Variants in ITK observed in about 807,000 individuals in gnomAD.
The protein encoded by ITK is tyrosine-protein kinase ITK/TSK.
A neutral mutation model predicts 87.6 loss-of-function variants in ITK; 45 were observed. The observed-to-expected ratio is 0.51, with a 90% CI of 0.40 to 0.66. The LOEUF is 0.66. Ranked by LOEUF, ITK falls within the 30% of genes least tolerant of loss-of-function variation. The probability of loss-of-function intolerance (pLI) is 0.00; values close to 1 mark genes in which losing one functional copy is unlikely to be tolerated. For missense variants in ITK, 605 were observed against 766.3 expected (o/e 0.79, Z 2.48); for synonymous variants, 303 against 273.6 (o/e 1.11, Z -1.06).
At chr5:157,209,163 T>C (rs1023634979) in intron 2 of ITK, among the ~76,000 whole-genome samples, 170 bp downstream of exon 2, 2 of 152,048 alleles carry the variant, frequency 1.3e-5, no homozygotes, top group Non-Finnish European at 2.9e-5. Context: ...AAACCCCATC[T>C]CTACTAAAAA....
intron 8 of ITK, among the ~76,000 whole-genome samples, chr5:157,237,325 A>C (rs1041023898): frequency 6.6e-6 from 1 of 152,226 alleles, no homozygotes; most frequent in Non-Finnish European, 1.5e-5. Context: ...CTCACTTATA[A>C]GTGAGAGCTA....
At chr5:157,244,863 C>A (rs13190673) in intron 13 of ITK, 44,002 of 284,630 alleles carry the variant, frequency 0.15, 3,997 homozygotes, top group Admixed American at 0.22. Flanking sequence ...CTCTCAGAAT[C>A]TCTGGTGGCT....
chr5:157,232,385 T>G lies in ITK; in HGVS notation c.759T>G (p.Leu253=), dbSNP rs1580900008. ...SISRDKAEKL[L]LDTGKEGAFM... is the part of the protein sequence containing the mutation. ...GCCGAGACAAAGCTGAAAAACTTCT[T>G]TTGGACACAGTAAGTCTCCTTAACC... The change falls in exon 8 of 17, where the codon CTT becomes CTG. Residue 253 remains leucine, a synonymous_variant. Transcript: ENST00000422843. 1.9e-6 allele frequency: 3 copies of G among 1,607,292 alleles called. No homozygotes were observed. Among genetic ancestry groups the G allele is most frequent in the Admixed American group, 3.3e-5 (2 of 59,962 alleles).
Position 157,248,926 on chromosome 5 carries a change from C to T in ITK, c.1710C>T (p.Asp570=), listed in dbSNP as rs774326746. Residue 570 remains aspartate, a synonymous_variant, in exon 16 of 17, where the codon GAC becomes GAT. Transcript: ENST00000422843. ...GAAGCAACTCAGAGGTGGTGGAAGA[C>T]ATCAGTACCGGATTTCGGTTGTACA... ...ENRSNSEVVE[D]ISTGFRLYKP... 1.9e-5 allele frequency: 30 copies of T among 1,613,906 alleles called. No homozygotes were observed. In the Admixed American group the frequency reaches 4.8e-4, roughly 26 times the overall value.
chr5:157,204,677 C>T (rs953901883), intron 1 of ITK, among the ~76,000 whole-genome samples: 14 of 151,218 alleles, frequency 9.3e-5, no homozygotes, highest in South Asian at 6.3e-4. Context: ...CCAGCCTGGG[C>T]GACAGAGCAA....
chr5:157,205,359 A>T (rs925432691), intron 1 of ITK, among the ~76,000 whole-genome samples: 1 of 152,248 alleles, frequency 6.6e-6, no homozygotes, highest in Non-Finnish European at 1.5e-5. Flanking sequence ...CCTTAAAAAA[A>T]TAAGGTAGAA....
intron 1 of ITK, among the ~76,000 whole-genome samples, chr5:157,190,785 A>G (rs932457655): frequency 1.3e-5 from 2 of 152,232 alleles, no homozygotes; most frequent in Non-Finnish European, 2.9e-5. Context: ...ACCCTGAGGA[A>G]GGAAAAAGCT....
At chr5:157,220,740 A>T in intron 5 of ITK, among the ~76,000 whole-genome samples, 1 of 152,118 alleles carries the variant, frequency 6.6e-6, no homozygotes, top group African/African-American at 2.4e-5. Context: ...ACCTTATCAA[A>T]CTCAATCCTG....
chr5:157,253,617 GC>G lies in ITK; in HGVS notation c.*946del, dbSNP rs1008301383. The G allele has an allele frequency of 3.1e-5, 7 of 228,442 alleles. No homozygotes were observed. In the South Asian group the frequency reaches 7.3e-4, roughly 24 times the overall value. 14.2% of individuals were successfully genotyped at this position (228,442 alleles called of 1,614,324 possible). ...CCTTTTTTCCAGCCTCTGGGAATCA[GC>G]CCCCCCTCTCTGCACTATCCGATCC... On this transcript the variant is annotated 3_prime_UTR_variant, in exon 17 of 17. Transcript: ENST00000422843.
chr5:157,235,820 A>T (rs958541826), intron 8 of ITK, among the ~76,000 whole-genome samples: 10 of 152,210 alleles, frequency 6.6e-5, no homozygotes, highest in African/African-American at 2.2e-4. Context: ...TCACCTTCAA[A>T]TTATATGAAC....
rs80214621 is a variant in ITK, at chr5:157,232,090, G to T, written c.714-250G>T. 5.4e-3 allele frequency among the ~76,000 whole-genome samples: 818 copies of T among 152,244 alleles called. 10 individuals are homozygous for T. The highest frequency in any genetic ancestry group is 0.018 in the African/African-American group (767 of 41,540). ...CAATGATCAGTATTTTGCCAATTCT[G>T]TTTCATATGTTTCTTTCCAATTAAA... On this transcript the variant is annotated intron_variant, in intron 7 of 16. Coordinates refer to ENST00000422843, the MANE Select transcript of ITK (RefSeq NM_005546.4).
At chr5:157,227,644 A>G (rs1388357650) in intron 6 of ITK, among the ~76,000 whole-genome samples, 4 of 152,160 alleles carry the variant, frequency 2.6e-5, no homozygotes, top group African/African-American at 9.7e-5. Flanking sequence ...GTTTCCTTAT[A>G]GAAAATAGAC....
chr5:157,195,875 T>C (rs1302898411), intron 1 of ITK: 1 of 152,234 alleles, frequency 6.6e-6, no homozygotes, highest in African/African-American at 2.4e-5. Flanking sequence ...GGTTGGTCTG[T>C]TTCCAGTTTT....
At chr5:157,239,913 C>A in intron 9 of ITK, 149 bp from the exon 10 acceptor site, 1 of 800,430 alleles carries the variant, frequency 1.2e-6, no homozygotes. Flanking sequence ...CAGGCCCAAT[C>A]TGTCAAGACA....
chr5:157,248,287 A>G (rs1755061409), intron 15 of ITK, among the ~76,000 whole-genome samples: 2 of 152,330 alleles, frequency 1.3e-5, no homozygotes, highest in African/African-American at 4.8e-5. Context: ...GCAGAAGAGG[A>G]AAAGAAAGGG....
At chr5:157,250,581 A>G (rs1284449155) in intron 16 of ITK, among the ~76,000 whole-genome samples, 1 of 151,690 alleles carries the variant, frequency 6.6e-6, no homozygotes, top group Non-Finnish European at 1.5e-5. Context: ...CAGTGGTGCA[A>G]TCTCAGCTCA....
At chr5:157,235,954 A>G (rs185027373) in intron 8 of ITK, among the ~76,000 whole-genome samples, 7 of 152,334 alleles carry the variant, frequency 4.6e-5, no homozygotes, top group African/African-American at 1.7e-4. Flanking sequence ...ATACTCTAAT[A>G]GTTCTTGTCC....
chr5:157,237,152 A>G (rs932442267), intron 8 of ITK, among the ~76,000 whole-genome samples: 3 of 152,274 alleles, frequency 2.0e-5, no homozygotes, highest in Non-Finnish European at 4.4e-5. Context: ...CTAGGTGCCT[A>G]TCAACAGTGG....
In ITK at chr5:157,252,620, G is replaced by T. The variant is rs748509752; in HGVS notation, c.1805G>T (p.Arg602Leu). The T allele has an allele frequency of 4.3e-6, 7 of 1,613,940 alleles. No individual in the cohort carries two copies. Among genetic ancestry groups the T allele is most frequent in the African/African-American group, 1.3e-5 (1 of 75,050 alleles). The change falls in exon 17 of 17, where the codon CGG becomes CTG. Residue 602 changes from arginine (R) to leucine (L), a missense_variant. Coordinates refer to ENST00000422843, the MANE Select transcript of ITK (RefSeq NM_005546.4). The part of the protein sequence containing the change: ...NHCWKERPED[R>L]PAFSRLLRQL... ...TTCCCTCTCCAGAGACCAGAAGATC[G>T]GCCAGCCTTCTCCAGACTGCTGCGT...
Sources: gnomAD v4.1 joint callset for allele counts (sites outside exome capture counted in the v4.1 genomes callset) on GRCh38, gnomAD v4.1.1 for gene constraint, MANE v1.5 for transcripts, NCBI Gene and HGNC (gene_info 2026-07-23, HGNC 2026-07-21) for gene names.